CHAMP1: variants seen among roughly 807,000 people sequenced by gnomAD.
CHAMP1 encodes chromosome alignment-maintaining phosphoprotein 1.
Under a neutral mutation model 54.5 loss-of-function variants are expected in CHAMP1, and 4 were observed. The ratio of observed to expected loss-of-function variants is 0.07; its 90% CI spans 0.04 to 0.17. The LOEUF (loss-of-function observed/expected upper bound fraction) is 0.17. Among genes scored for constraint, CHAMP1 ranks in the 10% least tolerant of loss-of-function variants. The pLI is 1.00. For missense variants in CHAMP1, 994 were observed against 968.6 expected, an observed-to-expected ratio of 1.03 and a Z score of -0.35; for synonymous variants, 368 against 342.2, an observed-to-expected ratio of 1.08 and a Z score of -0.83.
chr13:114,317,898 T>TA (rs1267656351), intron 1 of CHAMP1, among the ~76,000 whole-genome samples: 13 of 152,328 alleles, frequency 8.5e-5, no homozygotes, highest in Non-Finnish European at 1.9e-4. Context: ...AATTTAGGTT[T>TA]TTTAGAGACG....
chr13:114,314,576 G>T lies in CHAMP1; in HGVS notation c.-246G>T, dbSNP rs1167150763. ...CTGCGCTGCAGGGCCTCGCGGAGCC[G>T]CCCGCGACCGCGAGCCGGGCCCTCC... On this transcript the variant is annotated 5_prime_UTR_variant, in exon 1 of 3. Coordinates refer to ENST00000361283, the MANE Select transcript of CHAMP1 (RefSeq NM_032436.4). 6.6e-6 allele frequency: 1 copy of T among 151,772 alleles called. No individual in the cohort carries two copies. Among genetic ancestry groups the T allele is most frequent in the East Asian group, 1.9e-4 (1 of 5,166 alleles). 9.4% of individuals were successfully genotyped at this position (151,772 alleles called of 1,614,324 possible). A position where few individuals can be genotyped will look rare whatever the true frequency, so the allele number is the denominator to read the frequency against.
chr13:114,323,633 TC>T, intron 2 of CHAMP1, 154 bp from the exon 3 acceptor site: 1 of 594,046 alleles, frequency 1.7e-6, no homozygotes, highest in Non-Finnish European at 2.8e-6. Flanking sequence ...CTGGGACTGT[TC>T]TATATCTCCT....
chr13:114,317,506 C>T (rs1258100854), intron 1 of CHAMP1, among the ~76,000 whole-genome samples: 1 of 152,012 alleles, frequency 6.6e-6, no homozygotes, highest in African/African-American at 2.4e-5. Flanking sequence ...TACCTATGGT[C>T]CCAGCTACTT....
rs1594133149 is a variant in CHAMP1 at position 114,326,369 on chromosome 13, G to A, written c.*88G>A. 2 of 1,400,024 alleles carry A rather than the reference G, an allele frequency of 1.4e-6. No individual in the cohort carries two copies. Among genetic ancestry groups the A allele is most frequent in the Admixed American group, 2.7e-5 (1 of 37,364 alleles). 86.7% of individuals were successfully genotyped at this position (1,400,024 alleles called of 1,614,324 possible). A position where few individuals can be genotyped will look rare whatever the true frequency, so the allele number is the denominator to read the frequency against. ...CTTATCAGATAGCATAGTTGGATCAGTAGATGACATGTATGGTGTACCGTG... is the reference window on the plus strand; with the variant it reads ...CTTATCAGATAGCATAGTTGGATCAATAGATGACATGTATGGTGTACCGTG... On this transcript the variant is annotated 3_prime_UTR_variant, in exon 3 of 3. Coordinates refer to ENST00000361283, the MANE Select transcript of CHAMP1 (RefSeq NM_032436.4).
In CHAMP1 at chr13:114,324,229, C is replaced by G. The variant is rs573294954; in HGVS notation, c.387C>G (p.Ala129=). 2.5e-6 allele frequency: 4 copies of G among 1,614,148 alleles called. No homozygotes were observed. The highest frequency in any genetic ancestry group is 2.7e-5 in the African/African-American group (2 of 75,004). The change falls in exon 3 of 3, where the codon GCC becomes GCG. Residue 129 remains alanine (A), a synonymous_variant. Coordinates refer to ENST00000361283, the MANE Select transcript of CHAMP1 (RefSeq NM_032436.4). ...CNSAEPKSIP[A]LSMETQKLGS... Reference sequence around the variant, plus strand: ...CAGCAGAACCAAAATCCATACCTGCCCTTTCAATGGAAACACAGAAACTTG... The same window carrying G: ...CAGCAGAACCAAAATCCATACCTGCGCTTTCAATGGAAACACAGAAACTTG...
chr13:114,325,051 G>T lies in CHAMP1; in HGVS notation c.1209G>T (p.Thr403=). The stretch of plus-strand genomic sequence containing the variant: ...CAGAACTCCGAAAGACAGCTCCCAC[G>T]TTGTCTCCTGAACATTGGAAGGCAG... The part of the protein sequence containing the change: ...GPPELRKTAP[T]LSPEHWKAVP... Residue 403 remains threonine, a synonymous_variant, in exon 3 of 3, where the codon ACG becomes ACT. Coordinates refer to ENST00000361283, the MANE Select transcript of CHAMP1 (RefSeq NM_032436.4). 1 of 1,614,036 alleles carries T rather than the reference G, an allele frequency of 6.2e-7. No homozygotes were observed. Among genetic ancestry groups the T allele is most frequent in the Non-Finnish European group, 8.5e-7 (1 of 1,179,994 alleles).
Position 114,324,168 on chromosome 13 carries a change from C to G in CHAMP1, c.326C>G (p.Pro109Arg). 1 of 1,614,144 alleles carries G rather than the reference C, an allele frequency of 6.2e-7. No homozygotes were observed. The highest frequency in any genetic ancestry group is 8.5e-7 in the Non-Finnish European group (1 of 1,180,030). Residue 109 changes from proline to arginine, a missense_variant, in exon 3 of 3, where the codon CCT (proline) becomes CGT (arginine). Physicochemically the swap from Pro to Arg is moderately radical, Grantham distance 103. Around this residue, in one of 3 missense-constraint regions of CHAMP1, gnomAD observed 851 missense variants for 701.3 expected, o/e 1.21. Coordinates refer to ENST00000361283, the MANE Select transcript of CHAMP1 (RefSeq NM_032436.4). Reference protein sequence around the residue: ...LNKETDPVKSPPLPEHQKIPC... With the variant: ...LNKETDPVKSRPLPEHQKIPC... ...AAAGAAACAGATCCTGTGAAAAGCC[C>G]TCCTCTTCCTGAACACCAGAAAATA... is the stretch of plus-strand genomic sequence containing the variant.
Position 114,325,128 on chromosome 13 carries a change from A to G in CHAMP1, c.1286A>G (p.Glu429Gly). 1 of 1,614,114 alleles carries G rather than the reference A, an allele frequency of 6.2e-7. No homozygotes were observed. The highest frequency in any genetic ancestry group is 8.5e-7 in the Non-Finnish European group (1 of 1,180,024). Reference sequence around the variant, plus strand: ...AAACCCGGCCCACCACTATCCCCAGAGATCCGTAGTCCAGCAGGATCTCCA... The same window carrying G: ...AAACCCGGCCCACCACTATCCCCAGGGATCCGTAGTCCAGCAGGATCTCCA... ...LRKPGPPLSPEIRSPAGSPEL... is the reference protein window; with the variant it reads ...LRKPGPPLSPGIRSPAGSPEL... Residue 429 changes from glutamate to glycine, a missense_variant, in exon 3 of 3, where the codon GAG becomes GGG. By Grantham distance (98) the Glu-to-Gly change is moderately conservative (BLOSUM62 -2). Coordinates refer to ENST00000361283, the MANE Select transcript of CHAMP1 (RefSeq NM_032436.4).
At position 114,325,425 on chromosome 13, in the gene CHAMP1, C is replaced by G; in HGVS notation, c.1583C>G (p.Pro528Arg). 1 of 1,614,108 alleles carries G rather than the reference C, an allele frequency of 6.2e-7. No individual in the cohort carries two copies. Among genetic ancestry groups the G allele is most frequent in the Non-Finnish European group, 8.5e-7 (1 of 1,180,034 alleles). ...VLSIDTEPRK[P>R]ALFPEPAKTA... ...TCTATCGATACTGAGCCTAGAAAACCTGCCCTGTTTCCCGAGCCTGCCAAA... is the reference window on the plus strand; with the variant it reads ...TCTATCGATACTGAGCCTAGAAAACGTGCCCTGTTTCCCGAGCCTGCCAAA... Residue 528 changes from proline (P) to arginine (R), a missense_variant, in exon 3 of 3, where the codon CCT (proline) becomes CGT (arginine). Physicochemically the swap from Pro to Arg is moderately radical, Grantham distance 103. Coordinates refer to ENST00000361283, the MANE Select transcript of CHAMP1 (RefSeq NM_032436.4).
In CHAMP1 at chr13:114,326,317, T is replaced by G; in HGVS notation, c.*36T>G. 3 of 1,529,456 alleles carry G rather than the reference T, an allele frequency of 2.0e-6. No homozygotes were observed. The highest frequency in any genetic ancestry group is 2.6e-6 in the Non-Finnish European group (3 of 1,142,482). The allele number at this position is 1,529,456 out of a possible 1,614,324, so 94.7% of individuals were successfully genotyped here. On this transcript the variant is annotated 3_prime_UTR_variant, in exon 3 of 3. Coordinates refer to ENST00000361283, the MANE Select transcript of CHAMP1 (RefSeq NM_032436.4). ...TGAATATTTGTTCTACAAAGGTGTT[T>G]GTTGGAACCATTCTTTGTAAGTATA...
chr13:114,316,521 T>C (rs926451091), intron 1 of CHAMP1, among the ~76,000 whole-genome samples: 3 of 150,144 alleles, frequency 2.0e-5, no homozygotes, highest in African/African-American at 7.3e-5. Context: ...ACCTGGGAGG[T>C]GGAGATTGCA....
chr13:114,315,309 G>T (rs202091602), intron 1 of CHAMP1, among the ~76,000 whole-genome samples: 1 of 152,148 alleles, frequency 6.6e-6, no homozygotes, highest in East Asian at 1.9e-4. Context: ...AAGCTCGGGT[G>T]CATTGCTGGT....
intron 1 of CHAMP1, among the ~76,000 whole-genome samples, chr13:114,317,948 A>T (rs1394014657): frequency 6.6e-6 from 1 of 152,216 alleles, no homozygotes; most frequent in African/African-American, 2.4e-5. Context: ...AATTTTTGTT[A>T]ATCTGGACAA....
Position 114,324,368 on chromosome 13 carries a change from C to T in CHAMP1, c.526C>T (p.Pro176Ser). The change falls in exon 3 of 3, where the codon CCT (proline) becomes TCT (serine). Residue 176 changes from proline (P) to serine (S), a missense_variant. By Grantham distance (74) the Pro-to-Ser change is moderately conservative (BLOSUM62 -1). Coordinates refer to ENST00000361283, the MANE Select transcript of CHAMP1 (RefSeq NM_032436.4). The part of the protein sequence containing the change: ...ELQTPLPSPE[P>S]SKPASVSSPE... Reference sequence around the variant, plus strand: ...ACAGACACCTCTTCCTTCTCCTGAGCCTTCAAAACCTGCCTCTGTTTCTTC... The same window carrying T: ...ACAGACACCTCTTCCTTCTCCTGAGTCTTCAAAACCTGCCTCTGTTTCTTC... 3.7e-6 allele frequency: 6 copies of T among 1,614,148 alleles called. No homozygotes were observed. The highest frequency in any genetic ancestry group is 5.1e-6 in the Non-Finnish European group (6 of 1,180,034).
chr13:114,320,832 T>C (rs1352810427), intron 1 of CHAMP1, among the ~76,000 whole-genome samples: 2 of 151,902 alleles, frequency 1.3e-5, no homozygotes, highest in Non-Finnish European at 2.9e-5. Flanking sequence ...GGCGGGCGCC[T>C]GTAGTCCCAG....
At chr13:114,320,692 C>G (rs1309537905) in intron 1 of CHAMP1, among the ~76,000 whole-genome samples, 1 of 152,086 alleles carries the variant, frequency 6.6e-6, no homozygotes, top group Non-Finnish European at 1.5e-5. Flanking sequence ...CGCGGTGGCT[C>G]ACACCTGTAA....
At chr13:114,318,654 C>T (rs912412382) in intron 1 of CHAMP1, among the ~76,000 whole-genome samples, 2 of 151,870 alleles carry the variant, frequency 1.3e-5, no homozygotes, top group African/African-American at 4.8e-5. Context: ...TGGAGTACTC[C>T]TACCTGACAA....
chr13:114,316,541 G>A (rs1478100082), intron 1 of CHAMP1, among the ~76,000 whole-genome samples: 5 of 151,422 alleles, frequency 3.3e-5, no homozygotes, highest in Non-Finnish European at 7.4e-5. Flanking sequence ...AGTGAGCCGA[G>A]ATTGCGCCAT....
At chr13:114,316,227 G>A (rs964771591) in intron 1 of CHAMP1, among the ~76,000 whole-genome samples, 18 of 150,594 alleles carry the variant, frequency 1.2e-4, no homozygotes, top group Admixed American at 2.6e-4. Flanking sequence ...GCAGTTATGC[G>A]ATCTTGGCCC....
Sources: gnomAD v4.1 joint callset for allele counts (sites outside exome capture counted in the v4.1 genomes callset) on GRCh38, gnomAD v4.1.1 for gene constraint, gnomAD v4.1.1 regional missense constraint, MANE v1.5 for transcripts, NCBI Gene and HGNC (gene_info 2026-07-23, HGNC 2026-07-21) for gene names.